The following TTF1 variants were observed in gnomAD, a reference collection of about 807,000 sequenced individuals.
TTF1 encodes transcription termination factor, RNA polymerase I.
TTF1 carries 64 observed loss-of-function variants against 80.2 expected under a neutral mutation model. The ratio of observed to expected loss-of-function variants is 0.80; its 90% CI spans 0.65 to 0.98. The LOEUF (loss-of-function observed/expected upper bound fraction) is 0.98. Ranked by LOEUF, TTF1 falls within the 50% of genes least tolerant of loss-of-function variation. TTF1 has a pLI of 0.00. For synonymous variants in TTF1, 372 were observed against 382.7 expected, an observed-to-expected ratio of 0.97 and a Z score of 0.33; for missense variants, 1,023 against 1,086.2, an observed-to-expected ratio of 0.94 and a Z score of 0.82.
At chr9:132,386,933 G>A (rs1267763809) in intron 8 of TTF1, among the ~76,000 whole-genome samples, 2 of 151,778 alleles carry the variant, frequency 1.3e-5, no homozygotes, top group African/African-American at 4.9e-5. Context: ...ACAGTAAGAG[G>A]ACATCTGTAC....
chr9:132,399,946 T>C, intron 3 of TTF1, 89 bp downstream of exon 3: 1 of 1,333,848 alleles, frequency 7.5e-7, no homozygotes, highest in East Asian at 2.3e-5. Flanking sequence ...TTCTTGTCGA[T>C]CTATAAATCT....
At chr9:132,395,290 A>G (rs1849628267) in intron 5 of TTF1, among the ~76,000 whole-genome samples, 1 of 152,176 alleles carries the variant, frequency 6.6e-6, no homozygotes, top group African/African-American at 2.4e-5. Flanking sequence ...TGAAGTCAGG[A>G]ATTGCTTGCT....
chr9:132,404,649 T>C (rs1276237081), intron 1 of TTF1, among the ~76,000 whole-genome samples: 1 of 152,016 alleles, frequency 6.6e-6, no homozygotes, highest in East Asian at 1.9e-4. Flanking sequence ...CATCCAGCTG[T>C]TCTCTTTCTT....
chr9:132,395,578 CTCAG>C (rs1330303214), intron 5 of TTF1, among the ~76,000 whole-genome samples: 1 of 152,170 alleles, frequency 6.6e-6, no homozygotes, highest in African/African-American at 2.4e-5. Context: ...CAGGGCAGGT[CTCAG>C]TCTGTGTGTG....
intron 9 of TTF1, among the ~76,000 whole-genome samples, chr9:132,385,443 CGTG>C (rs1849448157): frequency 6.6e-6 from 1 of 152,208 alleles, no homozygotes; most frequent in Non-Finnish European, 1.5e-5. Flanking sequence ...TCCCCTGAGG[CGTG>C]GGAGTCTGGC....
intron 6 of TTF1, among the ~76,000 whole-genome samples, chr9:132,391,252 A>G (rs1849553672): frequency 6.6e-6 from 1 of 152,196 alleles, no homozygotes; most frequent in Non-Finnish European, 1.5e-5. Context: ...ATACCAACAC[A>G]GTACTTGATG....
chr9:132,390,921 C>T, intron 6 of TTF1, 90 bp from the exon 7 acceptor site: 1 of 1,241,488 alleles, frequency 8.1e-7, no homozygotes, highest in Non-Finnish European at 1.1e-6. Context: ...GGGTACTTTT[C>T]AGAAAATAAT....
Position 132,401,701 on chromosome 9 carries a change from G to A in TTF1, c.1121C>T (p.Thr374Ile). Reference sequence around the variant, plus strand: ...GGATTCCTTGAACCCTTTAAGAGCTGTACTGCCTTCCACAGTCCCAACCTC... The same window carrying A: ...GGATTCCTTGAACCCTTTAAGAGCTATACTGCCTTCCACAGTCCCAACCTC... ...GSEVGTVEGS[T>I]ALKGFKESNS... Residue 374 changes from threonine (T) to isoleucine (I), a missense_variant, in exon 2 of 11, where the codon ACA becomes ATA. Thr to Ile is a moderately conservative substitution (Grantham distance 89, BLOSUM62 -1). Coordinates refer to ENST00000334270, the MANE Select transcript of TTF1 (RefSeq NM_007344.4). 1.9e-6 allele frequency: 3 copies of A among 1,614,224 alleles called. No individual in the cohort carries two copies. Among genetic ancestry groups the A allele is most frequent in the Non-Finnish European group, 2.5e-6 (3 of 1,180,050 alleles).
intron 9 of TTF1, among the ~76,000 whole-genome samples, chr9:132,383,521 G>A (rs958766838): frequency 5.9e-5 from 9 of 152,194 alleles, no homozygotes; most frequent in African/African-American, 2.2e-4. Flanking sequence ...GGATGATAAA[G>A]TGAACGTAGC....
chr9:132,377,307 TGA>T (rs1186920922), intron 10 of TTF1, among the ~76,000 whole-genome samples: 4 of 142,482 alleles, frequency 2.8e-5, no homozygotes, highest in African/African-American at 1.1e-4. Flanking sequence ...GCATGTGGTG[TGA>T]GTGCATGTGG....
Position 132,376,077 on chromosome 9 carries a change from A to C in TTF1, c.2556T>G (p.Thr852=). ...MMEKKGTKIQ[T]PAAPKQVFPF... is the part of the protein sequence containing the mutation. ...GGAAAACTTGCTTGGGTGCTGCAGG[A>C]GTCTGGATTTTAGTGCCTTTTTTCT... The change falls in exon 11 of 11, where the codon ACT becomes ACG. Residue 852 remains threonine, a synonymous_variant. Coordinates refer to ENST00000334270, the MANE Select transcript of TTF1 (RefSeq NM_007344.4). 1 of 1,614,190 alleles carries C rather than the reference A, an allele frequency of 6.2e-7. No homozygotes were observed. Among genetic ancestry groups the C allele is most frequent in the African/African-American group, 1.3e-5 (1 of 75,058 alleles).
chr9:132,403,142 A>G (rs980440174), intron 1 of TTF1, among the ~76,000 whole-genome samples: 1 of 152,226 alleles, frequency 6.6e-6, no homozygotes, highest in African/African-American at 2.4e-5. Context: ...TACAGGCGTC[A>G]GCCACCGTGC....
chr9:132,406,459 A>G (rs910781576), intron 1 of TTF1, among the ~76,000 whole-genome samples: 11 of 151,988 alleles, frequency 7.2e-5, no homozygotes, highest in Non-Finnish European at 1.3e-4. Flanking sequence ...AAAATTAGCT[A>G]GGCTTGGTGG....
In TTF1 at chr9:132,384,673, T is replaced by C. The variant is rs1236424578; in HGVS notation, c.2378+1883A>G. Among the ~76,000 whole-genome samples the C allele has an allele frequency of 2.6e-5, 4 of 152,194 alleles. No homozygotes were observed. The highest frequency in any genetic ancestry group is 5.9e-5 in the Non-Finnish European group (4 of 68,026). ...GGTTTCTTTCTTTCTTTCTTTTCTT[T>C]TGAGATGGAGTCTTGCTCTGTTGCC... On this transcript the variant is annotated intron_variant, in intron 9 of 10. Coordinates refer to ENST00000334270, the MANE Select transcript of TTF1 (RefSeq NM_007344.4). The surrounding 1 kb of genome is among the most constrained non-coding windows in gnomAD (Gnocchi z 4.1).
intron 10 of TTF1, 92 bp downstream of exon 10, chr9:132,378,967 C>G (rs890811880): frequency 4.3e-6 from 4 of 921,436 alleles, no homozygotes; most frequent in Non-Finnish European, 6.5e-6. Context: ...AGCTGAGGCT[C>G]TAAGTCCAGT....
chr9:132,389,846 G>A (rs566320817), intron 7 of TTF1, among the ~76,000 whole-genome samples: 1 of 152,352 alleles, frequency 6.6e-6, no homozygotes, highest in Admixed American at 6.5e-5. Flanking sequence ...GACGCAGCCA[G>A]GAGCATGCCT....
intron 9 of TTF1, among the ~76,000 whole-genome samples, chr9:132,380,239 T>G (rs1035884322): frequency 6.6e-6 from 1 of 151,816 alleles, no homozygotes; most frequent in Non-Finnish European, 1.5e-5. Context: ...CCAGCTAAAT[T>G]TTTGTATTTT....
chr9:132,378,372 ATGTGGTG>A (rs1223165283), intron 10 of TTF1, among the ~76,000 whole-genome samples: 1 of 46,816 alleles, frequency 2.1e-5, no homozygotes, highest in Non-Finnish European at 5.6e-5. Flanking sequence ...GTGTGAATGC[ATGTGGTG>A]TGTGTGAGTG....
chr9:132,401,403 G>A (rs1039273488), intron 2 of TTF1, 52 bp downstream of exon 2: 1 of 1,533,270 alleles, frequency 6.5e-7, no homozygotes, highest in African/African-American at 1.4e-5. Context: ...GGTATCGGCA[G>A]AATCCATACG....
Sources: gnomAD v4.1 joint callset for allele counts (sites outside exome capture counted in the v4.1 genomes callset) on GRCh38, gnomAD v4.1.1 for gene constraint, Gnocchi (gnomAD v3.1) non-coding constraint, MANE v1.5 for transcripts, NCBI Gene and HGNC (gene_info 2026-07-23, HGNC 2026-07-21) for gene names.